The following SF3A2 variants were observed in gnomAD, a reference collection of about 807,000 sequenced individuals.
The protein encoded by SF3A2 is splicing factor 3a subunit 2.
A neutral mutation model predicts 31.1 loss-of-function variants in SF3A2; 5 were observed. The ratio of observed to expected loss-of-function variants is 0.16; its 90% confidence interval spans 0.08 to 0.34. The LOEUF (loss-of-function observed/expected upper bound fraction) is 0.34, where lower values mean the gene tolerates loss of function less well. Ranked by LOEUF, SF3A2 falls within the 10% of genes least tolerant of loss-of-function variation. The pLI, the probability that SF3A2 is intolerant of heterozygous loss-of-function variation, is 1.00. For synonymous variants in SF3A2, 365 were observed against 263.7 expected (o/e 1.38, Z -3.72); for missense variants, 577 against 643.9 (o/e 0.90, Z 1.13).
At position 2,247,025 on chromosome 19, in the gene SF3A2, A is replaced by G. The variant is rs1229856208; in HGVS notation, c.546+3A>G. The stretch of plus-strand genomic sequence containing the variant: ...CCTACGAGACCATTGCCTTCAAGGT[A>G]GCGTGGCTGCGGGGTTCCCTGGGCC... On this transcript the variant is annotated splice_donor_region_variant and intron_variant, in intron 7 of 8. Transcript: ENST00000221494. 7.8e-7 allele frequency: 1 copy of G among 1,286,762 alleles called. No homozygotes were observed. 79.7% of individuals were successfully genotyped at this position (1,286,762 alleles called of 1,614,324 possible). A position where few individuals can be genotyped will look rare whatever the true frequency, so the allele number is the denominator to read the frequency against.
rs1295176865 is a variant in SF3A2 at position 2,248,138 on chromosome 19, C to T, written c.987C>T (p.Val329=). ...GGGTCCACCCACCAACCTCTGGGGT[C>T]CACCCCCCAGCTCCTGGAGTCCACC... The part of the protein sequence containing the change: ...APGVHPPTSG[V]HPPAPGVHPP... Residue 329 remains valine, a synonymous_variant, in exon 9 of 9, where the codon GTC becomes GTT. Coordinates refer to ENST00000221494, the MANE Select transcript of SF3A2 (RefSeq NM_007165.5). 1.4e-6 allele frequency: 2 copies of T among 1,394,736 alleles called. No homozygotes were observed. Among genetic ancestry groups the T allele is most frequent in the Non-Finnish European group, 2.0e-6 (2 of 1,015,554 alleles). The allele number at this position is 1,394,736 out of a possible 1,614,324, so 86.4% of individuals were successfully genotyped here. A position where few individuals can be genotyped will look rare whatever the true frequency, so the allele number is the denominator to read the frequency against.
chr19:2,243,344 CTG>C, intron 1 of SF3A2, 36 bp from the exon 2 acceptor site: 1 of 1,448,388 alleles, frequency 6.9e-7, no homozygotes, highest in Non-Finnish European at 9.1e-7. Flanking sequence ...GCCCCGAGTT[CTG>C]AGCCATCTTC....
chr19:2,244,208 G>A (rs1227183275), intron 2 of SF3A2, among the ~76,000 whole-genome samples: 1 of 150,242 alleles, frequency 6.7e-6, no homozygotes, highest in African/African-American at 2.5e-5. Context: ...GTGGGCAGTG[G>A]ACGGCTCCCT....
chr19:2,245,827 G>A lies in SF3A2; in HGVS notation c.355+272G>A, dbSNP rs900112840. ...TGTCCGGGTCTTGTGGAAGCTTCTGGGAATTCTTGCCAAGCAAAAGAGTGG... is the reference window on the plus strand; with the variant it reads ...TGTCCGGGTCTTGTGGAAGCTTCTGAGAATTCTTGCCAAGCAAAAGAGTGG... On this transcript the variant is annotated intron_variant, in intron 5 of 8. Transcript: ENST00000221494. This position sits in a 1 kb window ranked among gnomAD's most constrained non-coding sequence, Gnocchi z 4.2. The A allele has an allele frequency of 1.0e-5, 5 of 483,552 alleles. No homozygotes were observed. The highest frequency in any genetic ancestry group is 5.9e-5 in the African/African-American group (3 of 50,982). The allele number at this position is 483,552 out of a possible 1,614,324, so 30.0% of individuals were successfully genotyped here. A position where few individuals can be genotyped will look rare whatever the true frequency, so the allele number is the denominator to read the frequency against.
chr19:2,243,118 G>A (rs1272211563), intron 1 of SF3A2, among the ~76,000 whole-genome samples: 1 of 152,102 alleles, frequency 6.6e-6, no homozygotes, highest in African/African-American at 2.4e-5. Context: ...GGGCTGGAGC[G>A]GCTTCCTCTC....
chr19:2,242,831 G>T (rs953802723), intron 1 of SF3A2, among the ~76,000 whole-genome samples: 2 of 152,164 alleles, frequency 1.3e-5, no homozygotes, highest in Admixed American at 6.5e-5. Flanking sequence ...AGATGTGGCA[G>T]ATCTCCCAGG....
chr19:2,247,255 G>A lies in SF3A2; in HGVS notation c.546+233G>A, dbSNP rs574328150. The A allele has an allele frequency of 1.1e-3, 431 of 404,174 alleles. 1 individual carries two copies. The highest frequency in any genetic ancestry group is 8.8e-3 in the African/African-American group (387 of 43,828). The allele number at this position is 404,174 out of a possible 1,614,324, so 25.0% of individuals were successfully genotyped here. ...AGAAGGGAGGCCGGCAGGGCTGAGCGCCAGGCCTGTGAGGCCTTTGCCAAG... is the reference window on the plus strand; with the variant it reads ...AGAAGGGAGGCCGGCAGGGCTGAGCACCAGGCCTGTGAGGCCTTTGCCAAG... On this transcript the variant is annotated intron_variant, in intron 7 of 8. Transcript: ENST00000221494.
Position 2,247,915 on chromosome 19 carries a change from C to G in SF3A2, c.764C>G (p.Pro255Arg). Residue 255 changes from proline (P) to arginine (R), a missense_variant, in exon 9 of 9, where the codon CCG becomes CGG. This residue lies in a region of SF3A2 where 462 missense variants were observed against 339.1 expected (regional missense o/e 1.36). Transcript: ENST00000221494. ...PPLPESLPPPPPGGLPLPPMP... is the reference protein window; with the variant it reads ...PPLPESLPPPRPGGLPLPPMP... ...CTGCCTGAGTCTTTGCCACCGCCCC[C>G]GCCAGGAGGCCTGCCTCTGCCACCC... 6.4e-7 allele frequency: 1 copy of G among 1,572,992 alleles called. No homozygotes were observed. The highest frequency in any genetic ancestry group is 1.7e-5 in the Admixed American group (1 of 59,238).
intron 7 of SF3A2, chr19:2,247,262 C>G: frequency 1.8e-6 from 1 of 543,312 alleles, no homozygotes; most frequent in Non-Finnish European, 3.2e-6. Flanking sequence ...AGCGCCAGGC[C>G]TGTGAGGCCT....
rs1043045710 is a variant in SF3A2, at chr19:2,245,290, C to T, written c.246-156C>T. On this transcript the variant is annotated intron_variant, in intron 4 of 8. Coordinates refer to ENST00000221494, the MANE Select transcript of SF3A2 (RefSeq NM_007165.5). The surrounding 1 kb of genome is among the most constrained non-coding windows in gnomAD (Gnocchi z 4.2). ...GAGAACATGCCTGTCCTATCCCTGT[C>T]CTCAGCCAAACCCCAGGGCCCCTCC... is the stretch of plus-strand genomic sequence containing the variant. The T allele has an allele frequency of 1.6e-6, 1 of 608,812 alleles. No homozygotes were observed. Among genetic ancestry groups the T allele is most frequent in the Non-Finnish European group, 2.9e-6 (1 of 340,714 alleles). 37.7% of individuals were successfully genotyped at this position (608,812 alleles called of 1,614,324 possible). A position where few individuals can be genotyped will look rare whatever the true frequency, so the allele number is the denominator to read the frequency against.
At chr19:2,237,569 C>G (rs2024841272) in intron 1 of SF3A2, 1 of 152,208 alleles carries the variant, frequency 6.6e-6, no homozygotes, top group South Asian at 2.1e-4. Flanking sequence ...GACAACAGAG[C>G]AAGACCCTGT....
Position 2,248,022 on chromosome 19 carries a change from GC to G in SF3A2, c.875del (p.Pro292GlnfsTer154). On this transcript the variant is annotated frameshift_variant, in exon 9 of 9. Transcript: ENST00000221494. LOFTEE classifies it low-confidence loss of function (END_TRUNC). Reference sequence around the variant, plus strand: ...GCCAGCTCCAGGGGTCCACCCCCCGGCCCCAGTGGTGCATCCCCCTGCATCT... The same window carrying G: ...GCCAGCTCCAGGGGTCCACCCCCCGGCCCAGTGGTGCATCCCCCTGCATCT... ...PPPAPGVHPP[A>X]PVVHPPASGV... 3.2e-6 allele frequency: 3 copies of G among 938,348 alleles called. No individual in the cohort carries two copies. Among genetic ancestry groups the G allele is most frequent in the Non-Finnish European group, 4.9e-6 (3 of 616,904 alleles). The allele number at this position is 938,348 out of a possible 1,614,324, so 58.1% of individuals were successfully genotyped here. A position where few individuals can be genotyped will look rare whatever the true frequency, so the allele number is the denominator to read the frequency against.
chr19:2,243,323 T>G, intron 1 of SF3A2, 59 bp from the exon 2 acceptor site: 7 of 1,364,124 alleles, frequency 5.1e-6, no homozygotes, highest in South Asian at 3.2e-5. Context: ...CCCAGGGAGG[T>G]CCCAGCAGCA....
chr19:2,244,822 C>T (rs767952370), intron 4 of SF3A2, 43 bp downstream of exon 4: 12 of 1,588,746 alleles, frequency 7.6e-6, no homozygotes, highest in Middle Eastern at 1.7e-4. Flanking sequence ...CTCCAGCAGC[C>T]GTTGGCTCAA....
In SF3A2 at chr19:2,246,802, G is replaced by A. The variant is rs1439090521; in HGVS notation, c.405G>A (p.Gln135=). The A allele has an allele frequency of 4.3e-6, 7 of 1,613,854 alleles. No individual in the cohort carries two copies. The highest frequency in any genetic ancestry group is 5.9e-6 in the Non-Finnish European group (7 of 1,179,998). The change falls in exon 6 of 9, where the codon CAG becomes CAA. Residue 135 remains glutamine (Q), a splice_region_variant and synonymous_variant. Coordinates refer to ENST00000221494, the MANE Select transcript of SF3A2 (RefSeq NM_007165.5). The surrounding 1 kb of genome is among the most constrained non-coding windows in gnomAD (Gnocchi z 5.5). ...TGGGCCAGCAGAGCCTCCTCTTCCAGGTGAGATCAGGGACTTGGGCGTGGG... is the reference window on the plus strand; with the variant it reads ...TGGGCCAGCAGAGCCTCCTCTTCCAAGTGAGATCAGGGACTTGGGCGTGGG... ...SEMGQQSLLF[Q]IDYPEIAEGI...
chr19:2,243,439 CG>C lies in SF3A2; in HGVS notation c.26del (p.Gly9AlafsTer39). 3 of 1,553,022 alleles carry C rather than the reference CG, an allele frequency of 1.9e-6. No homozygotes were observed. The highest frequency in any genetic ancestry group is 1.2e-5 in the South Asian group (1 of 83,828). On this transcript the variant is annotated frameshift_variant, in exon 2 of 9. Coordinates refer to ENST00000221494, the MANE Select transcript of SF3A2 (RefSeq NM_007165.5). LOFTEE classifies it high-confidence loss of function. ...TCACCATGGACTTCCAGCATCGCCC[CG>C]GGGGCAAGACCGGGAGCGGGGGCGT... MDFQHRP[G>X]GKTGSGGVAS...
At chr19:2,241,132 G>C (rs1173423121) in intron 1 of SF3A2, among the ~76,000 whole-genome samples, 1 of 152,186 alleles carries the variant, frequency 6.6e-6, no homozygotes, top group South Asian at 2.1e-4. Context: ...CAGGGCGTTC[G>C]CATGCTGTTG....
chr19:2,244,668 T>G, intron 3 of SF3A2, 53 bp downstream of exon 3: 1 of 1,611,362 alleles, frequency 6.2e-7, no homozygotes, highest in Non-Finnish European at 8.5e-7. Flanking sequence ...GTGGCTGACG[T>G]CAGGGGGACC....
At position 2,243,534 on chromosome 19, in the gene SF3A2, ACAT is replaced by A; in HGVS notation, c.119_121del (p.Ile40del). The A allele has an allele frequency of 6.4e-7, 1 of 1,550,396 alleles. No homozygotes were observed. Among genetic ancestry groups the A allele is most frequent in the Non-Finnish European group, 8.7e-7 (1 of 1,155,882 alleles). Reference sequence around the variant, plus strand: ...CGGCAGCTGGCCCTGGAGACCATCGACATCAACAAGGTGGGCCAGCCACCGTGC... The same window carrying A: ...CGGCAGCTGGCCCTGGAGACCATCGACAACAAGGTGGGCCAGCCACCGTGC... On this transcript the variant is annotated inframe_deletion, in exon 2 of 9. Transcript: ENST00000221494.
Sources: gnomAD v4.1 joint callset for allele counts (sites outside exome capture counted in the v4.1 genomes callset) on GRCh38, gnomAD v4.1.1 for gene constraint, gnomAD v4.1.1 regional missense constraint, Gnocchi (gnomAD v3.1) non-coding constraint, MANE v1.5 for transcripts, NCBI Gene and HGNC (gene_info 2026-07-23, HGNC 2026-07-21) for gene names.